Variants in MBNL2 observed in about 807,000 individuals in gnomAD.
MBNL2 encodes muscleblind like splicing regulator 2.
MBNL2 carries 17 observed loss-of-function variants against 41.9 expected under a neutral mutation model. The observed-to-expected ratio is 0.41, with a 90% CI of 0.28 to 0.61. The LOEUF is 0.61. MBNL2 is among the 20% of genes least tolerant of loss of function. The pLI, the probability that MBNL2 is intolerant of heterozygous loss-of-function variation, is 0.35. For synonymous variants in MBNL2, 195 were observed against 182.9 expected (o/e 1.07, Z -0.53); for missense variants, 336 against 505.6 (o/e 0.66, Z 3.22).
chr13:97,240,061 T>C (rs9300398), intron 1 of MBNL2, among the ~76,000 whole-genome samples: 102,797 of 152,162 alleles, frequency 0.68, 34,882 homozygotes, highest in African/African-American at 0.7. Context: ...ACACATACTC[T>C]TGGGAAGCTT....
At position 97,347,061 on chromosome 13, in the gene MBNL2, A is replaced by G. The variant is rs776632249; in HGVS notation, c.798A>G (p.Thr266=). The change falls in exon 5 of 9, where the codon ACA becomes ACG. Residue 266 remains threonine, a synonymous_variant. Transcript: ENST00000679496. The part of the protein sequence containing the change: ...VAAQAAAAAA[T]VMTQSTAKAM... ...CCCAGGCAGCCGCGGCCGCGGCCAC[A>G]GTCATGGTAAGTGCGGCCGCCCGCC... The G allele has an allele frequency of 1.9e-6, 3 of 1,588,866 alleles. No individual in the cohort carries two copies. The highest frequency in any genetic ancestry group is 2.6e-6 in the Non-Finnish European group (3 of 1,168,020).
the MBNL2 span, among the ~76,000 whole-genome samples, chr13:97,197,731 C>A: frequency 6.6e-6 from 1 of 152,066 alleles, no homozygotes; most frequent in South Asian, 2.1e-4. Flanking sequence ...AGTAATGTAA[C>A]GTTTCTCTAG....
At chr13:97,210,277 A>C in the MBNL2 span, among the ~76,000 whole-genome samples, 25 of 152,350 alleles carry the variant, frequency 1.6e-4, no homozygotes, top group African/African-American at 5.8e-4. Flanking sequence ...AATAACTTTA[A>C]GATTCAAATA....
the MBNL2 span, among the ~76,000 whole-genome samples, chr13:97,198,740 T>C: frequency 6.6e-6 from 1 of 152,134 alleles, no homozygotes; most frequent in East Asian, 1.9e-4. Context: ...TTCTCTCTCT[T>C]TTTCTTTTCA....
chr13:97,219,735 G>A (rs1440505522), upstream of MBNL2, among the ~76,000 whole-genome samples: 2 of 152,184 alleles, frequency 1.3e-5, no homozygotes, highest in Non-Finnish European at 2.9e-5. Flanking sequence ...ATAAATGTTA[G>A]GGGGACACAA....
intron 1 of MBNL2, among the ~76,000 whole-genome samples, chr13:97,245,513 G>A (rs754752206): frequency 6.6e-6 from 1 of 152,184 alleles, no homozygotes; most frequent in African/African-American, 2.4e-5. Context: ...GTTTCTAGAT[G>A]TCACCACAAT....
the MBNL2 span, among the ~76,000 whole-genome samples, chr13:97,174,466 T>C: frequency 2.7e-4 from 41 of 152,328 alleles, 1 homozygote; most frequent in South Asian, 8.1e-3. Context: ...GAATGAATAA[T>C]GTCAACCAAG....
intron 1 of MBNL2, among the ~76,000 whole-genome samples, chr13:97,273,891 C>T (rs897785316): frequency 1.7e-4 from 26 of 151,788 alleles, no homozygotes; most frequent in Admixed American, 6.6e-4. Flanking sequence ...TGAAACCCCA[C>T]CTCTACTAAA....
intron 8 of MBNL2, among the ~76,000 whole-genome samples, chr13:97,385,673 C>T (rs2065868595): frequency 6.6e-6 from 1 of 152,168 alleles, no homozygotes; most frequent in Non-Finnish European, 1.5e-5. Context: ...TTCTAGAAGT[C>T]ACCTAGAAGC....
In MBNL2 at chr13:97,301,719, A is replaced by C. The variant is rs556722505; in HGVS notation, c.174+25310A>C. On this transcript the variant is annotated intron_variant, in intron 2 of 8. Coordinates refer to ENST00000679496, the MANE Select transcript of MBNL2 (RefSeq NM_001382683.1). The stretch of plus-strand genomic sequence containing the variant: ...AAACCCCACAAGTCAGTCCAGCTCC[A>C]CTGGCCCAATTTAACAAACCAGTTT... 7.5e-4 allele frequency among the ~76,000 whole-genome samples: 114 copies of C among 152,184 alleles called. 1 individual carries two copies. Among genetic ancestry groups the C allele is most frequent in the African/African-American group, 2.7e-3 (112 of 41,440 alleles).
the MBNL2 span, among the ~76,000 whole-genome samples, chr13:97,213,808 C>T: frequency 2.0e-5 from 3 of 152,192 alleles, no homozygotes; most frequent in African/African-American, 7.2e-5. Flanking sequence ...GGAGCACTGA[C>T]AAGTCTTTCC....
upstream of MBNL2, among the ~76,000 whole-genome samples, chr13:97,218,998 T>A (rs1262726028): frequency 6.6e-6 from 1 of 151,812 alleles, no homozygotes; most frequent in East Asian, 1.9e-4. Context: ...TGTATAACCA[T>A]CCCCTGTAAT....
intron 3 of MBNL2, among the ~76,000 whole-genome samples, chr13:97,336,738 G>A (rs1188353122): frequency 6.6e-6 from 1 of 152,164 alleles, no homozygotes; most frequent in Non-Finnish European, 1.5e-5. Context: ...GGACTATAAA[G>A]GGATAAATGT....
At chr13:97,304,771 A>G (rs780507015) in intron 2 of MBNL2, among the ~76,000 whole-genome samples, 2 of 152,272 alleles carry the variant, frequency 1.3e-5, no homozygotes, top group Non-Finnish European at 2.9e-5. Context: ...ATTATTACAT[A>G]TATAAATGCA....
rs113331017 is a variant in MBNL2 at position 97,330,366 on chromosome 13, G to A, written c.175-3910G>A. 4.4e-3 allele frequency among the ~76,000 whole-genome samples: 663 copies of A among 152,126 alleles called. 8 individuals carry two copies. The highest frequency in any genetic ancestry group is 0.015 in the African/African-American group (638 of 41,500). On this transcript the variant is annotated intron_variant, in intron 2 of 8. Transcript: ENST00000679496. ...CTCTTCACAAGCACTCTGCAATGGC[G>A]CTCTCCATCCCCATCTCCGTCTCCA...
At chr13:97,264,375 G>T (rs1447802875) in intron 1 of MBNL2, among the ~76,000 whole-genome samples, 1 of 152,108 alleles carries the variant, frequency 6.6e-6, no homozygotes, top group Non-Finnish European at 1.5e-5. Flanking sequence ...AAATTATTCA[G>T]CAATTTGATA....
chr13:97,198,790 A>G, the MBNL2 span, among the ~76,000 whole-genome samples: 1 of 152,028 alleles, frequency 6.6e-6, no homozygotes, highest in Non-Finnish European at 1.5e-5. Context: ...CTATCCTCAA[A>G]ATATATGCAG....
intron 2 of MBNL2, among the ~76,000 whole-genome samples, chr13:97,331,394 C>A (rs2060425178): frequency 6.6e-6 from 1 of 152,208 alleles, no homozygotes; most frequent in Non-Finnish European, 1.5e-5. Flanking sequence ...ACTCCTCCAT[C>A]CTCCTACCAA....
chr13:97,239,797 A>C (rs2043934521), intron 1 of MBNL2, among the ~76,000 whole-genome samples: 1 of 152,224 alleles, frequency 6.6e-6, no homozygotes, highest in African/African-American at 2.4e-5. Context: ...TGGCTGCACA[A>C]AATGTACAGC....
Sources: gnomAD v4.1 joint callset for allele counts (sites outside exome capture counted in the v4.1 genomes callset) on GRCh38, gnomAD v4.1.1 for gene constraint, MANE v1.5 for transcripts, NCBI Gene and HGNC (gene_info 2026-07-23, HGNC 2026-07-21) for gene names.